The following DMRT1 variants were observed in gnomAD, a reference collection of about 807,000 sequenced individuals.
The protein encoded by DMRT1 is doublesex- and mab-3-related transcription factor 1.
DMRT1 carries 7 observed loss-of-function variants against 32.3 expected under a neutral mutation model. That is an observed-to-expected ratio of 0.22 (90% CI 0.12 to 0.41). The LOEUF (loss-of-function observed/expected upper bound fraction) is 0.41, where lower values mean the gene tolerates loss of function less well. Among genes scored for constraint, DMRT1 ranks in the 10% least tolerant of loss-of-function variants. DMRT1 has a pLI of 1.00. For missense variants in DMRT1, 625 were observed against 500.5 expected (o/e 1.25, Z -2.37); for synonymous variants, 278 against 206.1 (o/e 1.35, Z -2.99).
chr9:863,235 C>G (rs1815803926), intron 2 of DMRT1, among the ~76,000 whole-genome samples: 1 of 150,652 alleles, frequency 6.6e-6, no homozygotes, highest in Admixed American at 6.6e-5. Context: ...GGAGGATTGC[C>G]TGACCCCAGG....
chr9:850,268 C>A (rs1013514181), intron 2 of DMRT1, among the ~76,000 whole-genome samples: 1 of 152,114 alleles, frequency 6.6e-6, no homozygotes, highest in East Asian at 1.9e-4. Flanking sequence ...ATTCAGATGC[C>A]AGCAGAATTA....
At chr9:860,207 G>A (rs1052046733) in intron 2 of DMRT1, among the ~76,000 whole-genome samples, 1 of 152,184 alleles carries the variant, frequency 6.6e-6, no homozygotes, top group Non-Finnish European at 1.5e-5. Flanking sequence ...TGGGGCAGGA[G>A]AATGGCTTGA....
chr9:936,946 TG>T (rs1252190981), intron 4 of DMRT1, among the ~76,000 whole-genome samples: 6 of 152,200 alleles, frequency 3.9e-5, no homozygotes, highest in Admixed American at 1.3e-4. Flanking sequence ...ATTTGCAGAA[TG>T]TTTTTTTATC....
intron 2 of DMRT1, among the ~76,000 whole-genome samples, chr9:854,629 A>G (rs12686236): frequency 0.14 from 20,587 of 151,986 alleles, 1,870 homozygotes; most frequent in East Asian, 0.42. Context: ...GTGAAATGAG[A>G]TCCGTTTGAT....
chr9:857,018 AC>A (rs1368510474), intron 2 of DMRT1, among the ~76,000 whole-genome samples: 2 of 152,236 alleles, frequency 1.3e-5, no homozygotes, highest in Admixed American at 6.5e-5. Context: ...ATCAATAGAT[AC>A]ATGTTAATAT....
intron 3 of DMRT1, among the ~76,000 whole-genome samples, chr9:910,362 G>A (rs1817929679): frequency 6.6e-6 from 1 of 151,342 alleles, no homozygotes; most frequent in South Asian, 2.1e-4. Flanking sequence ...ATCAACTCCA[G>A]TTTTATGCAG....
intron 2 of DMRT1, among the ~76,000 whole-genome samples, chr9:867,424 T>C (rs557782750): frequency 1.3e-5 from 2 of 152,344 alleles, no homozygotes; most frequent in East Asian, 3.9e-4. Flanking sequence ...CTCAACTCTT[T>C]GGCATTATGT....
intron 3 of DMRT1, among the ~76,000 whole-genome samples, chr9:913,420 G>T (rs1350060056): frequency 2.1e-5 from 1 of 46,580 alleles, no homozygotes; most frequent in African/African-American, 8.7e-5. Context: ...TTCAAAGTGT[G>T]TTTGAGTTTT....
chr9:848,775 G>C lies in DMRT1; in HGVS notation c.538+1632G>C, dbSNP rs1839013927. Among the ~76,000 whole-genome samples the C allele has an allele frequency of 3.4e-5, 5 of 148,374 alleles. No homozygotes were observed. In the South Asian group the frequency reaches 8.6e-4, roughly 26 times the overall value. ...TCACCATGTTGGCCAGGCTGGCCTT[G>C]AACTTCTGACCTCAAGTGATCCACC... On this transcript the variant is annotated intron_variant, in intron 2 of 4. Transcript: ENST00000382276.
chr9:882,781 T>C (rs1453719406), intron 2 of DMRT1, among the ~76,000 whole-genome samples: 1 of 141,876 alleles, frequency 7.0e-6, no homozygotes, highest in Non-Finnish European at 1.5e-5. Flanking sequence ...TTTTTTTTTG[T>C]CTGTCTGAGA....
chr9:845,177 T>C (rs1023332848), intron 1 of DMRT1, among the ~76,000 whole-genome samples: 15 of 152,140 alleles, frequency 9.9e-5, no homozygotes, highest in Non-Finnish European at 2.2e-4. Flanking sequence ...ATACAATTAA[T>C]TTTCTTTAAA....
rs144925894 is a variant in DMRT1 at position 882,424 on chromosome 9, T to C, written c.539-11488T>C. Among the ~76,000 whole-genome samples the C allele has an allele frequency of 9.5e-3, 1,447 of 152,324 alleles. 10 individuals are homozygous for C. Among genetic ancestry groups the C allele is most frequent in the Non-Finnish European group, 0.013 (910 of 68,034 alleles). Reference sequence around the variant, plus strand: ...TCCTTGACTTGGAAGTCCTTTCTTATCCTTTATACATCCAGAATGTTCTCT... The same window carrying C: ...TCCTTGACTTGGAAGTCCTTTCTTACCCTTTATACATCCAGAATGTTCTCT... On this transcript the variant is annotated intron_variant, in intron 2 of 4. Transcript: ENST00000382276.
rs112323467 is a variant in DMRT1, at chr9:908,685, C to T, written c.823-8078C>T. Among the ~76,000 whole-genome samples the T allele has an allele frequency of 6.6e-3, 1,007 of 151,858 alleles. 10 individuals are homozygous for T. The highest frequency in any genetic ancestry group is 0.023 in the African/African-American group (947 of 41,432). ...TTTGGTTCTTTTTTTTTGAAAACTC[C>T]ACCCACACTTTTTCTTTTGTTTTTG... On this transcript the variant is annotated intron_variant, in intron 3 of 4. Transcript: ENST00000382276.
In DMRT1 at chr9:919,024, T is replaced by C. The variant is rs185647579; in HGVS notation, c.967+2117T>C. ...AGAGCATGTTAGCCCTTCTGGGAGGTGGGGCTGAGGCTAGAGACAGGAAAT... is the reference window on the plus strand; with the variant it reads ...AGAGCATGTTAGCCCTTCTGGGAGGCGGGGCTGAGGCTAGAGACAGGAAAT... On this transcript the variant is annotated intron_variant, in intron 4 of 4. Transcript: ENST00000382276. 1.3e-3 allele frequency among the ~76,000 whole-genome samples: 204 copies of C among 151,900 alleles called. 2 individuals carry two copies. Among genetic ancestry groups the C allele is most frequent in the African/African-American group, 4.9e-3 (201 of 41,412 alleles).
chr9:878,513 T>C (rs1816603358), intron 2 of DMRT1, among the ~76,000 whole-genome samples: 1 of 152,118 alleles, frequency 6.6e-6, no homozygotes, highest in South Asian at 2.1e-4. Context: ...TGATTATGAC[T>C]TTAGGGAGTA....
intron 1 of DMRT1, among the ~76,000 whole-genome samples, chr9:845,981 G>C (rs916121465): frequency 6.6e-6 from 1 of 150,972 alleles, no homozygotes; most frequent in Non-Finnish European, 1.5e-5. Context: ...TTGTGGTGTT[G>C]GTCTCAGTTT....
chr9:875,655 T>A (rs1816465635), intron 2 of DMRT1, among the ~76,000 whole-genome samples: 1 of 152,218 alleles, frequency 6.6e-6, no homozygotes, highest in Non-Finnish European at 1.5e-5. Context: ...TGTGTCTTGG[T>A]TGCCATAGAG....
In DMRT1 at chr9:894,118, G is replaced by A. The variant is rs776330707; in HGVS notation, c.745G>A (p.Gly249Arg). 4.3e-6 allele frequency: 7 copies of A among 1,614,066 alleles called. No homozygotes were observed. The highest frequency in any genetic ancestry group is 1.7e-5 in the Admixed American group (1 of 60,010). Residue 249 changes from glycine to arginine, a missense_variant, in exon 3 of 5, where the codon GGG becomes AGG. Physicochemically the swap from Gly to Arg is moderately radical, Grantham distance 125 (BLOSUM62 -2). Coordinates refer to ENST00000382276, the MANE Select transcript of DMRT1 (RefSeq NM_021951.3). Reference sequence around the variant, plus strand: ...TTCTGGGGAGGTGGGAAATCCCCTCGGGGGATCCCCTGTGAAGAACAGCCT... The same window carrying A: ...TTCTGGGGAGGTGGGAAATCCCCTCAGGGGATCCCCTGTGAAGAACAGCCT... The part of the protein sequence containing the change: ...SASGEVGNPL[G>R]GSPVKNSLRG...
At chr9:921,353 G>T (rs1281571387) in intron 4 of DMRT1, among the ~76,000 whole-genome samples, 1 of 152,150 alleles carries the variant, frequency 6.6e-6, no homozygotes, top group Non-Finnish European at 1.5e-5. Flanking sequence ...TCATTCCATA[G>T]TATGGATGGA....
Sources: gnomAD v4.1 joint callset for allele counts (sites outside exome capture counted in the v4.1 genomes callset) on GRCh38, gnomAD v4.1.1 for gene constraint, MANE v1.5 for transcripts, NCBI Gene and HGNC (gene_info 2026-07-23, HGNC 2026-07-21) for gene names.